MSANTD2: variants seen among roughly 807,000 people sequenced by gnomAD.
The protein encoded by MSANTD2 is myb/SANT-like DNA-binding domain-containing protein 2.
In MSANTD2, 19 loss-of-function variants were observed where a neutral mutation model predicts 52.6. The observed-to-expected ratio is 0.36, with a 90% CI of 0.25 to 0.53. The LOEUF (loss-of-function observed/expected upper bound fraction) is 0.53. Among genes scored for constraint, MSANTD2 ranks in the 20% least tolerant of loss-of-function variants. MSANTD2 has a pLI of 0.91. For missense variants in MSANTD2, 558 were observed against 716.3 expected, an observed-to-expected ratio of 0.78 and a Z score of 2.52; for synonymous variants, 291 against 289.7, an observed-to-expected ratio of 1.00 and a Z score of -0.04.
At position 124,766,509 on chromosome 11, in the gene MSANTD2, ACTTT is replaced by A. The variant is rs1357841150; in HGVS notation, c.*663_*666del. 1.7e-5 allele frequency: 2 copies of A among 115,796 alleles called. No homozygotes were observed. The highest frequency in any genetic ancestry group is 3.4e-5 in the Non-Finnish European group (2 of 58,336). The allele number at this position is 115,796 out of a possible 1,614,324, so 7.2% of individuals were successfully genotyped here. ...CTAGTACGCCAAGGGGCCAGGAATTACTTTAATTTTTTTTTTTTAAAAAAAGGTT... is the reference window on the plus strand; with the variant it reads ...CTAGTACGCCAAGGGGCCAGGAATTAAATTTTTTTTTTTTAAAAAAAGGTT... On this transcript the variant is annotated 3_prime_UTR_variant, in exon 4 of 4. Coordinates refer to ENST00000374979, the MANE Select transcript of MSANTD2 (RefSeq NM_001308027.2).
At chr11:124,768,187 G>A (rs190693423) in intron 3 of MSANTD2, among the ~76,000 whole-genome samples, 159 bp from the exon 4 acceptor site, 1 of 152,148 alleles carries the variant, frequency 6.6e-6, no homozygotes. Flanking sequence ...ATTATATTTA[G>A]TTTAAAATTA....
intron 1 of MSANTD2, among the ~76,000 whole-genome samples, chr11:124,785,868 C>T (rs902326887): frequency 1.3e-5 from 2 of 151,496 alleles, no homozygotes; most frequent in African/African-American, 2.4e-5. Context: ...GGCAGAGAAA[C>T]ATTAAGAGCT....
chr11:124,772,742 C>CAAAAAAA (rs57859579), intron 3 of MSANTD2, among the ~76,000 whole-genome samples: 5 of 57,926 alleles, frequency 8.6e-5, no homozygotes, highest in African/African-American at 8.5e-5. Context: ...GATTCCGTCT[C>CAAAAAAA]AAAAAAAAAA....
chr11:124,767,119 T>C lies in MSANTD2; in HGVS notation c.*57A>G, dbSNP rs1944329062. On this transcript the variant is annotated 3_prime_UTR_variant, in exon 4 of 4. Transcript: ENST00000374979. The surrounding 1 kb of genome is among the most constrained non-coding windows in gnomAD (Gnocchi z 6.5). ...TCTGGATGAGGGGTGGTCCGGGTAA[T>C]GGGAAGTGAGTAGAGAAGAAGGAGC... is the stretch of plus-strand genomic sequence containing the variant. The C allele has an allele frequency of 2.0e-6, 3 of 1,516,368 alleles. No homozygotes were observed. The highest frequency in any genetic ancestry group is 1.4e-5 in the African/African-American group (1 of 71,680). The allele number at this position is 1,516,368 out of a possible 1,614,324, so 93.9% of individuals were successfully genotyped here. A position where few individuals can be genotyped will look rare whatever the true frequency, so the allele number is the denominator to read the frequency against.
At position 124,774,453 on chromosome 11, in the gene MSANTD2, C is replaced by G. The variant is rs1184106987; in HGVS notation, c.766+266G>C. On this transcript the variant is annotated intron_variant, in intron 2 of 3. Coordinates refer to ENST00000374979, the MANE Select transcript of MSANTD2 (RefSeq NM_001308027.2). The surrounding 1 kb of genome is among the most constrained non-coding windows in gnomAD (Gnocchi z 5.1). ...GAAATTCTTCTGTGTCTTTGGGAAT[C>G]CTGCTGGTAAACAACTTGCCAAATG... 2.0e-5 allele frequency among the ~76,000 whole-genome samples: 3 copies of G among 152,178 alleles called. No individual in the cohort carries two copies. Among genetic ancestry groups the G allele is most frequent in the Non-Finnish European group, 4.4e-5 (3 of 68,024 alleles).
rs975464578 is a variant in MSANTD2 at position 124,799,810 on chromosome 11, G to A, written c.510+61C>T. 4 of 1,328,030 alleles carry A rather than the reference G, an allele frequency of 3.0e-6. No individual in the cohort carries two copies. The African/African-American group carries it at 4.5e-5, about 15-fold the overall frequency. The allele number at this position is 1,328,030 out of a possible 1,614,324, so 82.3% of individuals were successfully genotyped here. On this transcript the variant is annotated intron_variant, in intron 1 of 3. Coordinates refer to ENST00000374979, the MANE Select transcript of MSANTD2 (RefSeq NM_001308027.2). The stretch of plus-strand genomic sequence containing the variant: ...CCTCAGACCGGCCCCCGCCCCCGAG[G>A]CCCGCTTCCCCGCCTTCTCTCTGCC...
rs1407754686 is a variant in MSANTD2, at chr11:124,767,027, A to G, written c.*149T>C. The G allele has an allele frequency of 1.3e-6, 1 of 788,198 alleles. No homozygotes were observed. The highest frequency in any genetic ancestry group is 2.0e-6 in the Non-Finnish European group (1 of 507,484). 48.8% of individuals were successfully genotyped at this position (788,198 alleles called of 1,614,324 possible). A position where few individuals can be genotyped will look rare whatever the true frequency, so the allele number is the denominator to read the frequency against. On this transcript the variant is annotated 3_prime_UTR_variant, in exon 4 of 4. Transcript: ENST00000374979. This position sits in a 1 kb window ranked among gnomAD's most constrained non-coding sequence, Gnocchi z 6.5. Reference sequence around the variant, plus strand: ...CTGTTTTTTCTGGCCCAAGTCTACTATGATTCCTTAGAAGTCGTACTGGCC... The same window carrying G: ...CTGTTTTTTCTGGCCCAAGTCTACTGTGATTCCTTAGAAGTCGTACTGGCC...
intron 1 of MSANTD2, among the ~76,000 whole-genome samples, chr11:124,798,904 G>A (rs1002975205): frequency 1.3e-5 from 2 of 152,142 alleles, no homozygotes; most frequent in African/African-American, 4.8e-5. Context: ...CTTTTTAGCA[G>A]CCACTACGAT....
intron 1 of MSANTD2, among the ~76,000 whole-genome samples, chr11:124,785,452 T>C (rs1945127969): frequency 6.6e-6 from 1 of 152,256 alleles, no homozygotes; most frequent in Non-Finnish European, 1.5e-5. Flanking sequence ...GAAGTTAAAG[T>C]AGAGTTGCAA....
In MSANTD2 at chr11:124,767,897, T is replaced by A; in HGVS notation, c.959A>T (p.Tyr320Phe). ...SNKLAIFGIG[Y>F]NTRWKEDIRY... ...GATATCCTCTTTCCAACGGGTGTTA[T>A]AACCAATTCCAAAAATGGCCAGTTT... The change falls in exon 4 of 4, where the codon TAT (tyrosine) becomes TTT (phenylalanine). Residue 320 changes from tyrosine to phenylalanine, a missense_variant. By Grantham distance (22) the Tyr-to-Phe change is conservative. Transcript: ENST00000374979. The surrounding 1 kb of genome is among the most constrained non-coding windows in gnomAD (Gnocchi z 6.5). 1 of 1,614,250 alleles carries A rather than the reference T, an allele frequency of 6.2e-7. No homozygotes were observed. Among genetic ancestry groups the A allele is most frequent in the Non-Finnish European group, 8.5e-7 (1 of 1,180,034 alleles).
Position 124,779,442 on chromosome 11 carries a change from C to T in MSANTD2, c.511-4468G>A, listed in dbSNP as rs905890085. Among the ~76,000 whole-genome samples the T allele has an allele frequency of 1.3e-5, 2 of 152,138 alleles. No individual in the cohort carries two copies. The highest frequency in any genetic ancestry group is 2.9e-5 in the Non-Finnish European group (2 of 68,026). On this transcript the variant is annotated intron_variant, in intron 1 of 3. Coordinates refer to ENST00000374979, the MANE Select transcript of MSANTD2 (RefSeq NM_001308027.2). This position sits in a 1 kb window ranked among gnomAD's most constrained non-coding sequence, Gnocchi z 4.6. ...GCTTAATAATTTTCTCAAAGTTTGC[C>T]CCATTTCATACAATCATAAAATATT...
intron 2 of MSANTD2, among the ~76,000 whole-genome samples, chr11:124,773,558 G>A (rs766889320): frequency 2.6e-5 from 4 of 152,148 alleles, no homozygotes; most frequent in Non-Finnish European, 5.9e-5. Context: ...GGTAGTGATC[G>A]CTTACCATCT....
chr11:124,791,494 C>G, intron 1 of MSANTD2: 1 of 1,113,286 alleles, frequency 9.0e-7, no homozygotes, highest in Non-Finnish European at 1.3e-6. Context: ...TCCTAAATGG[C>G]TGAGGGCAAG....
intron 3 of MSANTD2, among the ~76,000 whole-genome samples, chr11:124,770,452 T>C (rs975947716): frequency 2.0e-5 from 3 of 151,964 alleles, no homozygotes; most frequent in Middle Eastern, 3.2e-3. Flanking sequence ...CATATGCCAC[T>C]ATACCCAGTG....
At chr11:124,776,479 T>G (rs1474241929) in intron 1 of MSANTD2, among the ~76,000 whole-genome samples, 1 of 152,212 alleles carries the variant, frequency 6.6e-6, no homozygotes, top group Non-Finnish European at 1.5e-5. Flanking sequence ...GTAATTTTAG[T>G]AGAGACGGGG....
At chr11:124,777,100 G>A (rs547770567) in intron 1 of MSANTD2, among the ~76,000 whole-genome samples, 1 of 152,272 alleles carries the variant, frequency 6.6e-6, no homozygotes, top group Admixed American at 6.5e-5. Context: ...GCAGGGATTG[G>A]AATTTGAATT....
intron 3 of MSANTD2, 80 bp downstream of exon 3, chr11:124,772,914 G>T: frequency 2.2e-6 from 2 of 901,450 alleles, no homozygotes; most frequent in Non-Finnish European, 3.6e-6. Context: ...TTCATAATAT[G>T]TCTAAATATT....
chr11:124,773,116 G>A, intron 2 of MSANTD2, 62 bp from the exon 3 acceptor site: 1 of 920,068 alleles, frequency 1.1e-6, no homozygotes, highest in Non-Finnish European at 1.8e-6. Context: ...CATGTATGTA[G>A]ATAAGTAGCT....
intron 1 of MSANTD2, chr11:124,791,506 G>A (rs2135267482): frequency 9.1e-7 from 1 of 1,101,928 alleles, no homozygotes; most frequent in Non-Finnish European, 1.4e-6. Context: ...GAGGGCAAGA[G>A]TTGGAGAAGG....
Sources: gnomAD v4.1 joint callset for allele counts (sites outside exome capture counted in the v4.1 genomes callset) on GRCh38, gnomAD v4.1.1 for gene constraint, Gnocchi (gnomAD v3.1) non-coding constraint, MANE v1.5 for transcripts, NCBI Gene and HGNC (gene_info 2026-07-23, HGNC 2026-07-21) for gene names.